TMCC1: variants seen among roughly 807,000 people sequenced by gnomAD.
TMCC1 encodes the protein transmembrane and coiled-coil domains protein 1.
A neutral mutation model predicts 52.4 loss-of-function variants in TMCC1; 15 were observed. That is an observed-to-expected ratio of 0.29 (90% confidence interval 0.19 to 0.44). The LOEUF is 0.44. TMCC1 is among the 20% of genes least tolerant of loss of function. TMCC1 has a pLI of 1.00. For missense variants in TMCC1, 503 were observed against 806.0 expected (o/e 0.62, Z 4.55); for synonymous variants, 279 against 301.9 (o/e 0.92, Z 0.79).
chr3:129,669,355 T>A (rs2087727286), intron 5 of TMCC1, among the ~76,000 whole-genome samples: 1 of 152,124 alleles, frequency 6.6e-6, no homozygotes, highest in Admixed American at 6.5e-5. Context: ...GACCTGTAGC[T>A]CCCATAAGAC....
intron 4 of TMCC1, among the ~76,000 whole-genome samples, chr3:129,749,860 G>A (rs910359344): frequency 1.4e-5 from 2 of 147,108 alleles, no homozygotes; most frequent in South Asian, 2.1e-4. Flanking sequence ...TCCAATATTT[G>A]AATCTATGAT....
At chr3:129,654,499 C>T (rs1396313710) in intron 6 of TMCC1, among the ~76,000 whole-genome samples, 1 of 152,192 alleles carries the variant, frequency 6.6e-6, no homozygotes, top group Non-Finnish European at 1.5e-5. Context: ...TATTCTACTT[C>T]CTCACAGAAT....
intron 1 of TMCC1, among the ~76,000 whole-genome samples, chr3:129,886,954 C>CA (rs992329092): frequency 9.3e-5 from 14 of 151,280 alleles, no homozygotes; most frequent in South Asian, 2.1e-4. Context: ...ATAAAATAAA[C>CA]AAAAAAAACC....
chr3:129,682,620 T>C (rs2089089970), intron 4 of TMCC1, among the ~76,000 whole-genome samples: 1 of 152,144 alleles, frequency 6.6e-6, no homozygotes, highest in South Asian at 2.1e-4. Flanking sequence ...ACTCTCTCTG[T>C]CTCTAGGTTT....
chr3:129,785,511 GTTAA>G (rs1326081515), intron 4 of TMCC1, among the ~76,000 whole-genome samples: 4 of 151,880 alleles, frequency 2.6e-5, no homozygotes, highest in African/African-American at 9.7e-5. Flanking sequence ...AAGAGAATGT[GTTAA>G]TTGAGATCAG....
At chr3:129,688,028 G>T in intron 4 of TMCC1, 1 of 535,318 alleles carries the variant, frequency 1.9e-6, no homozygotes, top group Non-Finnish European at 2.4e-6. Flanking sequence ...ATGACCACAA[G>T]TTATGTTTCT....
At chr3:129,736,800 G>C (rs1029404075) in intron 4 of TMCC1, among the ~76,000 whole-genome samples, 1 of 151,880 alleles carries the variant, frequency 6.6e-6, no homozygotes, top group Non-Finnish European at 1.5e-5. Flanking sequence ...GATTACAAGC[G>C]TGAGCCACTG....
chr3:129,875,488 C>A (rs2061151963), intron 2 of TMCC1, among the ~76,000 whole-genome samples: 1 of 82,868 alleles, frequency 1.2e-5, no homozygotes, highest in Non-Finnish European at 2.0e-5. Flanking sequence ...AGGACTCCAT[C>A]TCAAAAAAAA....
chr3:129,719,724 G>C (rs1469536724), intron 4 of TMCC1, among the ~76,000 whole-genome samples: 1 of 152,218 alleles, frequency 6.6e-6, no homozygotes, highest in African/African-American at 2.4e-5. Flanking sequence ...TGAGAGGATA[G>C]TGGGAGAAAC....
chr3:129,718,440 A>G (rs2049277615), intron 4 of TMCC1, among the ~76,000 whole-genome samples: 1 of 152,170 alleles, frequency 6.6e-6, no homozygotes, highest in South Asian at 2.1e-4. Context: ...TCTCAGTAAA[A>G]AGCGATCTCT....
At chr3:129,722,538 T>C (rs983616331) in intron 4 of TMCC1, among the ~76,000 whole-genome samples, 1 of 152,218 alleles carries the variant, frequency 6.6e-6, no homozygotes, top group Admixed American at 6.5e-5. Context: ...ATACTGTCTC[T>C]ACTCTTATAA....
intron 4 of TMCC1, among the ~76,000 whole-genome samples, chr3:129,745,868 T>C (rs974263857): frequency 4.0e-5 from 6 of 151,754 alleles, no homozygotes; most frequent in Non-Finnish European, 8.8e-5. Context: ...GGAGCCGAGA[T>C]TGTGCCACTG....
intron 2 of TMCC1, among the ~76,000 whole-genome samples, chr3:129,833,646 A>G (rs2059025606): frequency 6.6e-6 from 1 of 152,168 alleles, no homozygotes; most frequent in African/African-American, 2.4e-5. Flanking sequence ...TAATCCCAGC[A>G]CTTTGGGAGG....
intron 4 of TMCC1, among the ~76,000 whole-genome samples, chr3:129,717,629 C>A (rs1455561685): frequency 6.6e-6 from 1 of 152,172 alleles, no homozygotes; most frequent in Non-Finnish European, 1.5e-5. Context: ...TCTATTCTTC[C>A]AGCTGTTTAG....
At chr3:129,721,704 C>CAAAAAAAAAAA (rs765601986) in intron 4 of TMCC1, among the ~76,000 whole-genome samples, 3 of 76,032 alleles carry the variant, frequency 3.9e-5, no homozygotes, top group Non-Finnish European at 5.9e-5. Context: ...ACTAAAAATA[C>CAAAAAAAAAAA]AAAAAAAAAA....
At chr3:129,798,055 G>A (rs2056957968) in intron 4 of TMCC1, among the ~76,000 whole-genome samples, 1 of 150,394 alleles carries the variant, frequency 6.6e-6, no homozygotes, top group Non-Finnish European at 1.5e-5. Context: ...GAGTGCAATG[G>A]CATGGTCTCA....
chr3:129,807,332 G>A (rs1025611063), intron 4 of TMCC1, among the ~76,000 whole-genome samples: 9 of 152,010 alleles, frequency 5.9e-5, no homozygotes, highest in African/African-American at 2.2e-4. Context: ...TATTTTATAT[G>A]AATAAAATAT....
chr3:129,802,713 A>G (rs1297586856), intron 4 of TMCC1, among the ~76,000 whole-genome samples: 6 of 152,160 alleles, frequency 3.9e-5, no homozygotes, highest in Admixed American at 1.3e-4. Context: ...GGCATGTCGC[A>G]CACCTGTTTG....
In TMCC1 at chr3:129,862,378, C is replaced by A. The variant is rs375169803; in HGVS notation, c.-184+17931G>T. ...GAAGTTTAAGGTATATAAAATATAT[C>A]TCAAAAAAGCTGTAAAGCAAAATGT... On this transcript the variant is annotated intron_variant, in intron 2 of 6. Transcript: ENST00000393238. Among the ~76,000 whole-genome samples, 43 of 152,140 alleles carry A rather than the reference C, an allele frequency of 2.8e-4. No individual in the cohort carries two copies. The East Asian group carries it at 7.9e-3, about 28-fold the overall frequency.
Sources: allele counts gnomAD v4.1 joint callset (sites outside exome capture counted in the v4.1 genomes callset), GRCh38; gene constraint gnomAD v4.1.1; transcripts MANE v1.5; gene names NCBI Gene and HGNC (gene_info 2026-07-23, HGNC 2026-07-21).